The following CDK13 variants were observed in gnomAD, a reference collection of about 807,000 sequenced individuals.
The protein encoded by CDK13 is cyclin-dependent kinase 13.
In CDK13, 40 loss-of-function variants were observed where a neutral mutation model predicts 137.6. The ratio of observed to expected loss-of-function variants is 0.29; its 90% CI spans 0.23 to 0.38. The LOEUF is 0.38. Among genes scored for constraint, CDK13 ranks in the 10% least tolerant of loss-of-function variants. The pLI is 1.00. For missense variants in CDK13, 1,704 were observed against 1,951.8 expected (o/e 0.87, Z 2.39); for synonymous variants, 869 against 760.1 (o/e 1.14, Z -2.36).
chr7:40,047,651 A>T (rs1785778359), intron 6 of CDK13, among the ~76,000 whole-genome samples, 170 bp from the exon 7 acceptor site: 1 of 151,774 alleles, frequency 6.6e-6, no homozygotes, highest in African/African-American at 2.4e-5. Context: ...TTGTGAATTT[A>T]TCCACTACTT....
intron 11 of CDK13, among the ~76,000 whole-genome samples, chr7:40,083,581 TA>T (rs1786718727): frequency 1.3e-5 from 2 of 152,238 alleles, no homozygotes; most frequent in Non-Finnish European, 2.9e-5. Context: ...CTTGGAACTA[TA>T]GGTTTATCCC....
intron 11 of CDK13, among the ~76,000 whole-genome samples, chr7:40,082,686 A>C (rs985289248): frequency 2.0e-5 from 3 of 149,368 alleles, no homozygotes; most frequent in Admixed American, 1.3e-4. Context: ...AGCTACTCAG[A>C]AGGCTGAGGC....
At position 39,951,117 on chromosome 7, in the gene CDK13, T is replaced by C; in HGVS notation, c.476T>C (p.Leu159Pro). 1 of 1,242,044 alleles carries C rather than the reference T, an allele frequency of 8.1e-7. No individual in the cohort carries two copies. The highest frequency in any genetic ancestry group is 1.0e-6 in the Non-Finnish European group (1 of 994,106). 76.9% of individuals were successfully genotyped at this position (1,242,044 alleles called of 1,614,324 possible). A position where few individuals can be genotyped will look rare whatever the true frequency, so the allele number is the denominator to read the frequency against. The stretch of plus-strand genomic sequence containing the variant: ...TCCCAGTCCGAGCAGGGGCTGCTGC[T>C]GGGGGGGGCCAGCGCGGCAACGGCG... ...VSSQSEQGLL[L>P]GGASAATAAT... The change falls in exon 1 of 14, where the codon CTG (leucine) becomes CCG (proline). Residue 159 changes from leucine to proline, a missense_variant. Leu to Pro is a moderately conservative substitution (Grantham distance 98, BLOSUM62 -3). Coordinates refer to ENST00000181839, the MANE Select transcript of CDK13 (RefSeq NM_003718.5).
At chr7:39,959,361 A>G (rs13226828) in intron 1 of CDK13, among the ~76,000 whole-genome samples, 23,223 of 150,822 alleles carry the variant, frequency 0.15, 2,311 homozygotes, top group Middle Eastern at 0.29. Context: ...AGGTTTTTCC[A>G]TGTTGGTCAG....
At chr7:40,092,563 C>T (rs1786947567) in intron 12 of CDK13, 1 of 504,152 alleles carries the variant, frequency 2.0e-6, no homozygotes, top group Non-Finnish European at 3.5e-6. Context: ...GAAGTATTTA[C>T]CCCTAAAGAT....
At chr7:40,054,133 T>C (rs960718981) in intron 7 of CDK13, among the ~76,000 whole-genome samples, 2 of 152,136 alleles carry the variant, frequency 1.3e-5, no homozygotes, top group African/African-American at 4.8e-5. Flanking sequence ...CTGATGGCAA[T>C]TTTTAGAGTT....
chr7:40,074,477 G>A (rs893859176), intron 9 of CDK13, among the ~76,000 whole-genome samples: 1 of 149,920 alleles, frequency 6.7e-6, no homozygotes, highest in Non-Finnish European at 1.5e-5. Context: ...GAGCCGAGAT[G>A]GTGCCACTGC....
intron 1 of CDK13, among the ~76,000 whole-genome samples, chr7:39,967,652 A>G (rs1783901377): frequency 6.6e-6 from 1 of 152,104 alleles, no homozygotes; most frequent in Non-Finnish European, 1.5e-5. Flanking sequence ...TACTTTTTTG[A>G]GGAACCTCCA....
chr7:39,988,415 C>T (rs1784387567), intron 2 of CDK13, among the ~76,000 whole-genome samples, 157 bp downstream of exon 2: 1 of 151,886 alleles, frequency 6.6e-6, no homozygotes, highest in African/African-American at 2.4e-5. Flanking sequence ...TAAAATGAAG[C>T]ACATTGCATA....
At chr7:40,052,289 G>A (rs1370799562) in intron 7 of CDK13, among the ~76,000 whole-genome samples, 1 of 152,060 alleles carries the variant, frequency 6.6e-6, no homozygotes, top group East Asian at 1.9e-4. Context: ...CGATTCTCCT[G>A]CCTCAGCCTC....
At chr7:40,023,465 G>A (rs1785171889) in intron 5 of CDK13, among the ~76,000 whole-genome samples, 1 of 151,190 alleles carries the variant, frequency 6.6e-6, no homozygotes, top group Non-Finnish European at 1.5e-5. Flanking sequence ...TTGTCTTCTG[G>A]TGTCACACCT....
At chr7:39,994,920 C>T (rs1371851325) in intron 2 of CDK13, among the ~76,000 whole-genome samples, 1 of 150,756 alleles carries the variant, frequency 6.6e-6, no homozygotes, top group African/African-American at 2.4e-5. Flanking sequence ...AAAAAAAAAA[C>T]AACTCTTCCT....
Position 39,987,670 on chromosome 7 carries a change from T to C in CDK13, c.1283T>C (p.Leu428Ser), listed in dbSNP as rs756421690. 3.7e-6 allele frequency: 6 copies of C among 1,613,378 alleles called. No individual in the cohort carries two copies. The South Asian group carries it at 6.6e-5, about 18-fold the overall frequency. Residue 428 changes from leucine (L) to serine (S), a missense_variant, in exon 2 of 14, where the codon TTG becomes TCG. Transcript: ENST00000181839. Reference protein sequence around the residue: ...RHSRSRSRHRLSRSRSRHSSI... With the variant: ...RHSRSRSRHRSSRSRSRHSSI... ...TCAAGATCTCGTAGCAGGCACAGAT[T>C]GTCTAGATCCAGAAGTCGTCATTCT...
chr7:39,971,544 A>C lies in CDK13; in HGVS notation c.1212-16055A>C, dbSNP rs1371972995. ...AAAAACAAAACAAAAAACAAAAAAA[A>C]CACTTTGTATTTTCTAGCAAACTAT... On this transcript the variant is annotated intron_variant, in intron 1 of 13. Transcript: ENST00000181839. Among the ~76,000 whole-genome samples, 4 of 152,030 alleles carry C rather than the reference A, an allele frequency of 2.6e-5. No homozygotes were observed. In the East Asian group the frequency reaches 7.7e-4, roughly 29 times the overall value.
intron 5 of CDK13, among the ~76,000 whole-genome samples, chr7:40,042,738 C>T (rs1234755986): frequency 1.3e-5 from 2 of 150,566 alleles, no homozygotes; most frequent in African/African-American, 4.9e-5. Context: ...CCTCGGCCTC[C>T]GAAAGTGTTG....
chr7:40,040,170 C>T (rs1280673766), intron 5 of CDK13, among the ~76,000 whole-genome samples: 1 of 152,102 alleles, frequency 6.6e-6, no homozygotes, highest in African/African-American at 2.4e-5. Flanking sequence ...CACCACCACA[C>T]CTGGCTAATT....
At chr7:39,971,437 A>G (rs944234347) in intron 1 of CDK13, among the ~76,000 whole-genome samples, 2 of 152,172 alleles carry the variant, frequency 1.3e-5, no homozygotes, top group African/African-American at 2.4e-5. Flanking sequence ...GAATCACTTG[A>G]GCCCAGGAGG....
At position 40,096,347 on chromosome 7, in the gene CDK13, A is replaced by T. The variant is rs1490288688; in HGVS notation, c.*1367A>T. The T allele has an allele frequency of 6.6e-6, 1 of 150,858 alleles. No homozygotes were observed. The highest frequency in any genetic ancestry group is 1.5e-5 in the Non-Finnish European group (1 of 67,590). The allele number at this position is 150,858 out of a possible 1,614,324, so 9.3% of individuals were successfully genotyped here. A position where few individuals can be genotyped will look rare whatever the true frequency, so the allele number is the denominator to read the frequency against. On this transcript the variant is annotated 3_prime_UTR_variant, in exon 14 of 14. Coordinates refer to ENST00000181839, the MANE Select transcript of CDK13 (RefSeq NM_003718.5). ...AGCAACAACTTTAGTTCATTTTAAC[A>T]TTTTTTTTTAATGAAGAGCATCAAA...
chr7:39,988,864 C>T (rs1364991475), intron 2 of CDK13, among the ~76,000 whole-genome samples: 5 of 151,796 alleles, frequency 3.3e-5, no homozygotes, highest in Non-Finnish European at 7.4e-5. Context: ...GGTGGATCAC[C>T]TGAGGTCAGG....
Sources: gnomAD v4.1 joint callset for allele counts (sites outside exome capture counted in the v4.1 genomes callset) on GRCh38, gnomAD v4.1.1 for gene constraint, MANE v1.5 for transcripts, NCBI Gene and HGNC (gene_info 2026-07-23, HGNC 2026-07-21) for gene names.